CPVL: variants seen among roughly 807,000 people sequenced by gnomAD.
CPVL encodes probable serine carboxypeptidase CPVL.
CPVL carries 51 observed loss-of-function variants against 63.7 expected under a neutral mutation model. The observed-to-expected ratio is 0.80, with a 90% confidence interval of 0.64 to 1.01. CPVL has a LOEUF of 1.01. CPVL is among the 50% of genes least tolerant of loss of function. The pLI is 0.00. For synonymous variants in CPVL, 195 were observed against 206.0 expected, an observed-to-expected ratio of 0.95 and a Z score of 0.46; for missense variants, 530 against 573.1, an observed-to-expected ratio of 0.92 and a Z score of 0.77.
chr7:29,161,219 G>C lies in CPVL; in HGVS notation c.-11+20071C>G, dbSNP rs568281433. On this transcript the variant is annotated intron_variant, in intron 5 of 16. Coordinates refer to the CPVL transcript ENST00000409850. Reference sequence around the variant, plus strand: ...ACCAGGCTCATGTCTTAGCACATGAGGGTTTGTGCAGGGAAACTGAAGCAA... The same window carrying C: ...ACCAGGCTCATGTCTTAGCACATGACGGTTTGTGCAGGGAAACTGAAGCAA... 3.3e-5 allele frequency among the ~76,000 whole-genome samples: 5 copies of C among 152,240 alleles called. No individual in the cohort carries two copies. The South Asian group carries it at 1.0e-3, about 32-fold the overall frequency.
intron 1 of CPVL, among the ~76,000 whole-genome samples, chr7:29,190,391 G>A (rs1782736499): frequency 6.6e-6 from 1 of 152,200 alleles, no homozygotes; most frequent in African/African-American, 2.4e-5. Flanking sequence ...CACAGGGAAA[G>A]GGAATGACCT....
chr7:29,067,002 G>T lies in CPVL; in HGVS notation c.865-881C>A, dbSNP rs553497986. On this transcript the variant is annotated intron_variant, in intron 9 of 12. Transcript: ENST00000265394. ...AATTAGAGAAATGGAGACTTGAGGG[G>T]GTTAGAGATAGTGGAGAGGCAGGAG... 1.4e-4 allele frequency among the ~76,000 whole-genome samples: 22 copies of T among 152,300 alleles called. No individual in the cohort carries two copies. The South Asian group carries it at 4.3e-3, about 30-fold the overall frequency.
intron 12 of CPVL, among the ~76,000 whole-genome samples, chr7:29,008,610 A>G (rs562989603): frequency 4.6e-5 from 7 of 152,224 alleles, no homozygotes; most frequent in African/African-American, 1.7e-4. Context: ...AATGCTCACT[A>G]GTTTTATTGG....
intron 1 of CPVL, among the ~76,000 whole-genome samples, chr7:29,128,849 CT>C (rs1207117754): frequency 1.3e-5 from 2 of 152,084 alleles, no homozygotes; most frequent in Non-Finnish European, 2.9e-5. Flanking sequence ...GGGAGCCAGC[CT>C]TGAGGAAACA....
At chr7:29,159,495 TC>T (rs1794889273) in intron 5 of CPVL, among the ~76,000 whole-genome samples, 1 of 152,184 alleles carries the variant, frequency 6.6e-6, no homozygotes, top group African/African-American at 2.4e-5. Context: ...GTAAAGCACT[TC>T]AAATGTGTTT....
chr7:29,094,787 C>T (rs537395808), intron 5 of CPVL, among the ~76,000 whole-genome samples: 179 of 151,608 alleles, frequency 1.2e-3, no homozygotes, highest in African/African-American at 3.8e-3. Flanking sequence ...CAGGTTGAAC[C>T]GGGGAGGCGG....
In CPVL at chr7:29,064,045, GA is replaced by G. The variant is rs756478743; in HGVS notation, c.1137+15del. 1 of 1,575,240 alleles carries G rather than the reference GA, an allele frequency of 6.3e-7. No homozygotes were observed. The highest frequency in any genetic ancestry group is 1.1e-5 in the South Asian group (1 of 89,284). On this transcript the variant is annotated intron_variant, in intron 11 of 12. Transcript: ENST00000265394. ...TCTGAAAGTTCCTAAAATAGTAACT[GA>G]AGTAGCTCTCTTACCTTATAATTAT...
At chr7:29,056,470 C>T (rs574583503) in intron 11 of CPVL, among the ~76,000 whole-genome samples, 2 of 152,310 alleles carry the variant, frequency 1.3e-5, no homozygotes, top group South Asian at 2.1e-4. Flanking sequence ...GCTTCTTTCA[C>T]TCAGAAATAT....
At chr7:29,032,203 C>T (rs1405381216) in intron 11 of CPVL, among the ~76,000 whole-genome samples, 6 of 151,998 alleles carry the variant, frequency 3.9e-5, no homozygotes, top group Non-Finnish European at 2.9e-5. Context: ...TTTCCCTTTA[C>T]GGTGCGGGTT....
chr7:29,056,945 TTTTC>T (rs942480061), intron 11 of CPVL, among the ~76,000 whole-genome samples: 3 of 101,630 alleles, frequency 3.0e-5, no homozygotes, highest in East Asian at 2.2e-4. Context: ...CATCTTTTCC[TTTTC>T]TTTTTTTTTT....
intron 12 of CPVL, chr7:29,001,107 G>A (rs894045816): frequency 6.6e-6 from 1 of 152,186 alleles, no homozygotes; most frequent in Non-Finnish European, 1.5e-5. Context: ...AAGGAGAAGA[G>A]GGTAGTAAGA....
chr7:29,110,523 CT>C (rs1424397415), intron 3 of CPVL, among the ~76,000 whole-genome samples: 1 of 152,200 alleles, frequency 6.6e-6, no homozygotes, highest in Non-Finnish European at 1.5e-5. Context: ...AACCTGCTGG[CT>C]TCTGCCAATT....
At chr7:29,030,188 G>C (rs1048980329) in intron 12 of CPVL, among the ~76,000 whole-genome samples, 4 of 152,208 alleles carry the variant, frequency 2.6e-5, no homozygotes, top group African/African-American at 9.7e-5. Flanking sequence ...ATTTTGTCCT[G>C]AGGCTCCACA....
rs75180427 is a variant in CPVL at position 29,064,938 on chromosome 7, CCG to C, written c.964-706_964-705del. On this transcript the variant is annotated intron_variant, in intron 10 of 12. Transcript: ENST00000265394. ...TAATAAAATTAAAAAATAAAAAAAA[CCG>C]CACACACACACAAAATTGGATTGAC... 3.8e-4 allele frequency among the ~76,000 whole-genome samples: 57 copies of C among 150,678 alleles called. 1 individual carries two copies. The highest frequency in any genetic ancestry group is 3.5e-3 in the Middle Eastern group (1 of 288).
chr7:29,097,422 C>T (rs568936080), intron 3 of CPVL, among the ~76,000 whole-genome samples: 5 of 152,308 alleles, frequency 3.3e-5, no homozygotes, highest in Admixed American at 1.3e-4. Context: ...AGGCTGGGAG[C>T]GGTGACTCAT....
chr7:29,019,032 T>TATATAG, intron 12 of CPVL, among the ~76,000 whole-genome samples: 1 of 149,544 alleles, frequency 6.7e-6, no homozygotes. Context: ...AGGTATATGG[T>TATATAG]ATATAGAGAT....
chr7:29,151,343 G>A (rs773976234), upstream of CPVL, among the ~76,000 whole-genome samples: 6 of 152,138 alleles, frequency 3.9e-5, no homozygotes, highest in African/African-American at 1.2e-4. Context: ...CTCCTTTGAC[G>A]ATCCAGATGG....
At chr7:29,069,948 T>C (rs1783580380) in intron 9 of CPVL, among the ~76,000 whole-genome samples, 1 of 152,188 alleles carries the variant, frequency 6.6e-6, no homozygotes, top group Admixed American at 6.5e-5. Flanking sequence ...GGCTTTATCA[T>C]TTTAGGCTTG....
At chr7:29,059,915 G>A (rs1791108187) in intron 11 of CPVL, among the ~76,000 whole-genome samples, 1 of 152,156 alleles carries the variant, frequency 6.6e-6, no homozygotes, top group South Asian at 2.1e-4. Flanking sequence ...TTGGAGGGCA[G>A]CAATTTGCCC....
Sources: allele counts gnomAD v4.1 joint callset (sites outside exome capture counted in the v4.1 genomes callset), GRCh38; gene constraint gnomAD v4.1.1; transcripts MANE v1.5; gene names NCBI Gene and HGNC (gene_info 2026-07-23, HGNC 2026-07-21).